The following GRM8 variants were observed in gnomAD, a reference collection of about 807,000 sequenced individuals.
GRM8 encodes glutamate metabotropic receptor 8.
In GRM8, 47 loss-of-function variants were observed where a neutral mutation model predicts 87.2. That is an observed-to-expected ratio of 0.54 (90% CI 0.43 to 0.69). GRM8 has a LOEUF of 0.69. Ranked by LOEUF, GRM8 falls within the 30% of genes least tolerant of loss-of-function variation. GRM8 has a pLI of 0.00. For missense variants in GRM8, 1,019 were observed against 1,139.2 expected (o/e 0.89, Z 1.52); for synonymous variants, 396 against 404.5 (o/e 0.98, Z 0.25).
chr7:126,739,992 C>A (rs896368109), intron 7 of GRM8, among the ~76,000 whole-genome samples: 1 of 152,006 alleles, frequency 6.6e-6, no homozygotes, highest in African/African-American at 2.4e-5. Flanking sequence ...ATGATGTTTG[C>A]ACAGTGACAA....
At chr7:127,145,002 G>T (rs182578675) in intron 2 of GRM8, among the ~76,000 whole-genome samples, 1 of 151,910 alleles carries the variant, frequency 6.6e-6, no homozygotes, top group African/African-American at 2.4e-5. Flanking sequence ...GCATTAAGTC[G>T]ACAAACATTT....
rs903679842 is a variant in GRM8 at position 126,797,741 on chromosome 7, T to A, written c.1157-27676A>T. Among the ~76,000 whole-genome samples the A allele has an allele frequency of 2.0e-5, 3 of 152,222 alleles. No individual in the cohort carries two copies. In the East Asian group the frequency reaches 5.8e-4, roughly 29 times the overall value. ...GGTCTAATCATTGTATAAAAACTAC[T>A]CTTAGAACATGAAATACTATTCTAA... is the stretch of plus-strand genomic sequence containing the variant. On this transcript the variant is annotated intron_variant, in intron 6 of 10. Transcript: ENST00000339582.
At chr7:126,969,328 A>G (rs1563364879) in intron 3 of GRM8, among the ~76,000 whole-genome samples, 1 of 152,170 alleles carries the variant, frequency 6.6e-6, no homozygotes. Context: ...CATTTTACCC[A>G]CAGTAAAAGT....
At chr7:126,457,248 T>A (rs1803363542) in intron 9 of GRM8, among the ~76,000 whole-genome samples, 1 of 151,520 alleles carries the variant, frequency 6.6e-6, no homozygotes, top group Non-Finnish European at 1.5e-5. Context: ...TAAATATTTT[T>A]AAAATTCAGA....
chr7:126,688,739 GACACAC>G (rs3831573), intron 7 of GRM8, among the ~76,000 whole-genome samples: 2 of 145,720 alleles, frequency 1.4e-5, no homozygotes, highest in Non-Finnish European at 3.0e-5. Flanking sequence ...CTCTCTTTCT[GACACAC>G]ACACACACAC....
chr7:126,673,291 A>G (rs1005680441), intron 7 of GRM8, among the ~76,000 whole-genome samples: 7 of 152,210 alleles, frequency 4.6e-5, no homozygotes, highest in African/African-American at 1.7e-4. Flanking sequence ...GCTTTGGGAC[A>G]GACAAGGACC....
At chr7:126,861,677 T>A (rs147864018) in intron 6 of GRM8, among the ~76,000 whole-genome samples, 1 of 152,032 alleles carries the variant, frequency 6.6e-6, no homozygotes, top group South Asian at 2.1e-4. Context: ...TTCTTATTTA[T>A]TGGCCATTTT....
intron 9 of GRM8, among the ~76,000 whole-genome samples, chr7:126,514,299 T>C (rs886607763): frequency 2.6e-5 from 4 of 152,152 alleles, no homozygotes; most frequent in East Asian, 1.9e-4. Flanking sequence ...TATGTGGTTT[T>C]ATAGGAGCCT....
chr7:127,166,623 C>A (rs1343434112), intron 2 of GRM8, among the ~76,000 whole-genome samples: 2 of 152,078 alleles, frequency 1.3e-5, no homozygotes, highest in African/African-American at 4.8e-5. Context: ...GTATGTGCAA[C>A]AATTAATGTT....
At chr7:127,055,192 G>GAAACTTCCCCATGACAGAT (rs71177588) in intron 3 of GRM8, among the ~76,000 whole-genome samples, 114,165 of 152,012 alleles carry the variant, frequency 0.75, 44,202 homozygotes, top group African/African-American at 0.91. Flanking sequence ...TATACCAGAA[G>GAAACTTCCCCATGACAGAT]AAGGGAACAT....
At chr7:126,840,965 G>T (rs1358953897) in intron 6 of GRM8, among the ~76,000 whole-genome samples, 1 of 152,128 alleles carries the variant, frequency 6.6e-6, no homozygotes. Flanking sequence ...AAGATTAAAG[G>T]CTCTGACAGA....
Position 126,582,266 on chromosome 7 carries a change from G to A in GRM8, c.1494+27096C>T, listed in dbSNP as rs541108584. On this transcript the variant is annotated intron_variant, in intron 8 of 10. Transcript: ENST00000339582. ...GGAGAAAGTTTTAGTGGTCTGGATA[G>A]AAGAACAAACCATCCACAACATTCC... Among the ~76,000 whole-genome samples the A allele has an allele frequency of 3.3e-5, 5 of 152,270 alleles. No individual in the cohort carries two copies. The South Asian group carries it at 1.0e-3, about 32-fold the overall frequency.
intron 7 of GRM8, among the ~76,000 whole-genome samples, chr7:126,678,492 G>C (rs989865696): frequency 2.0e-5 from 3 of 152,136 alleles, no homozygotes; most frequent in African/African-American, 7.2e-5. Context: ...ATTCTTTTGG[G>C]GGGCAAGGAG....
At chr7:126,488,172 CA>C (rs1468093586) in intron 9 of GRM8, among the ~76,000 whole-genome samples, 1 of 149,470 alleles carries the variant, frequency 6.7e-6, no homozygotes, top group Non-Finnish European at 1.5e-5. Context: ...TGTAACTGGA[CA>C]GAAAAAAAAA....
intron 8 of GRM8, among the ~76,000 whole-genome samples, chr7:126,601,265 C>A (rs1245966420): frequency 6.6e-6 from 1 of 152,054 alleles, no homozygotes; most frequent in African/African-American, 2.4e-5. Flanking sequence ...ATGAACTCAT[C>A]ATTTTTTATG....
chr7:126,904,436 C>A (rs2131232351), intron 4 of GRM8, 112 bp downstream of exon 4: 1 of 1,003,440 alleles, frequency 1.0e-6, no homozygotes, highest in South Asian at 1.6e-5. Context: ...AACTAGAAGG[C>A]AGTCTGTTAT....
rs920417176 is a variant in GRM8, at chr7:127,142,726, C to G, written c.511-36014G>C. 2.4e-4 allele frequency among the ~76,000 whole-genome samples: 36 copies of G among 151,866 alleles called. 2 individuals carry two copies. Among genetic ancestry groups the G allele is most frequent in the African/African-American group, 8.4e-4 (35 of 41,434 alleles). Reference sequence around the variant, plus strand: ...TGGATGGATGGATGGGATGGATGGACGGACAGATGGACGGATGGACAGCGA... The same window carrying G: ...TGGATGGATGGATGGGATGGATGGAGGGACAGATGGACGGATGGACAGCGA... On this transcript the variant is annotated intron_variant, in intron 2 of 10. Coordinates refer to ENST00000339582, the MANE Select transcript of GRM8 (RefSeq NM_000845.3).
intron 2 of GRM8, among the ~76,000 whole-genome samples, chr7:127,185,562 C>T (rs547502430): frequency 1.8e-4 from 27 of 152,080 alleles, no homozygotes; most frequent in Admixed American, 8.5e-4. Flanking sequence ...AGTTTGACAA[C>T]GAATTTTTAG....
chr7:126,860,926 T>C (rs1223589367), intron 6 of GRM8, among the ~76,000 whole-genome samples: 1 of 152,190 alleles, frequency 6.6e-6, no homozygotes, highest in African/African-American at 2.4e-5. Flanking sequence ...AGAAAACTTA[T>C]AAATAATGAA....
Sources: allele counts gnomAD v4.1 joint callset (sites outside exome capture counted in the v4.1 genomes callset), GRCh38; gene constraint gnomAD v4.1.1; transcripts MANE v1.5; gene names NCBI Gene and HGNC (gene_info 2026-07-23, HGNC 2026-07-21).